TANGO6: variants seen among roughly 807,000 people sequenced by gnomAD.
The protein encoded by TANGO6 is transport and Golgi organization protein 6 homolog.
A neutral mutation model predicts 114.2 loss-of-function variants in TANGO6; 90 were observed. The observed-to-expected ratio is 0.79, with a 90% confidence interval of 0.66 to 0.94. The LOEUF is 0.94. TANGO6 is among the 40% of genes least tolerant of loss of function. The pLI is 0.00. For missense variants in TANGO6, 1,274 were observed against 1,315.3 expected (o/e 0.97, Z 0.49); for synonymous variants, 477 against 509.8 (o/e 0.94, Z 0.87).
chr16:68,905,501 A>C (rs1597013739), intron 9 of TANGO6, among the ~76,000 whole-genome samples: 1 of 151,404 alleles, frequency 6.6e-6, no homozygotes, highest in Non-Finnish European at 1.5e-5. Context: ...GCGCCATTGC[A>C]CTCCAGCCTA....
intron 2 of TANGO6, among the ~76,000 whole-genome samples, chr16:68,862,449 G>A (rs113019823): frequency 0.018 from 2,764 of 151,768 alleles, 88 homozygotes; most frequent in African/African-American, 0.063. Context: ...CGCCCCCCTC[G>A]GCCTCCCAAA....
intron 15 of TANGO6, among the ~76,000 whole-genome samples, chr16:68,984,016 G>C (rs1407939523): frequency 2.7e-5 from 4 of 147,862 alleles, no homozygotes; most frequent in Admixed American, 6.8e-5. Context: ...CTGGGCGACA[G>C]AGCAAGACTC....
At chr16:69,077,365 G>C (rs1223443025) in intron 17 of TANGO6, among the ~76,000 whole-genome samples, 1 of 152,122 alleles carries the variant, frequency 6.6e-6, no homozygotes, top group African/African-American at 2.4e-5. Context: ...CGCAACCCTA[G>C]TTGTCTGGCA....
chr16:68,928,556 T>C (rs1765362829), intron 13 of TANGO6, among the ~76,000 whole-genome samples: 1 of 152,080 alleles, frequency 6.6e-6, no homozygotes, highest in African/African-American at 2.4e-5. Context: ...TGCCTCGGCC[T>C]CCCAAAGTGC....
At chr16:68,959,729 G>T (rs1281447036) in intron 14 of TANGO6, among the ~76,000 whole-genome samples, 1 of 152,244 alleles carries the variant, frequency 6.6e-6, no homozygotes, top group Non-Finnish European at 1.5e-5. Context: ...AGGACACTTG[G>T]AGGATGTGAA....
chr16:68,877,592 G>A (rs1962385339), intron 5 of TANGO6, among the ~76,000 whole-genome samples: 1 of 151,758 alleles, frequency 6.6e-6, no homozygotes, highest in African/African-American at 2.4e-5. Flanking sequence ...AACACTGCAA[G>A]TATGAGAGGT....
intron 15 of TANGO6, among the ~76,000 whole-genome samples, chr16:68,980,382 A>AAC (rs1963813444): frequency 1.2e-4 from 4 of 33,304 alleles, no homozygotes; most frequent in Non-Finnish European, 1.8e-4. Context: ...TCTGTCTGTC[A>AAC]TTCTCTCTCT....
At chr16:69,001,337 A>G (rs1964040581) in intron 15 of TANGO6, among the ~76,000 whole-genome samples, 1 of 152,232 alleles carries the variant, frequency 6.6e-6, no homozygotes, top group Admixed American at 6.5e-5. Context: ...CAAATTTTGA[A>G]GACATTTTTA....
intron 17 of TANGO6, among the ~76,000 whole-genome samples, chr16:69,075,684 G>C (rs888664217): frequency 1.3e-5 from 2 of 151,384 alleles, no homozygotes; most frequent in Non-Finnish European, 2.9e-5. Flanking sequence ...GAACTCCTGG[G>C]GTCAGGCAAT....
At chr16:69,020,726 C>T (rs1452969176) in intron 15 of TANGO6, among the ~76,000 whole-genome samples, 1 of 151,882 alleles carries the variant, frequency 6.6e-6, no homozygotes, top group Non-Finnish European at 1.5e-5. Context: ...ATAGTGAGAC[C>T]CTGTTTCTAC....
intron 11 of TANGO6, among the ~76,000 whole-genome samples, chr16:68,916,197 C>T (rs918247198): frequency 1.1e-4 from 17 of 152,108 alleles, no homozygotes; most frequent in Non-Finnish European, 2.1e-4. Context: ...AACCCCCAGG[C>T]CACGGACTGG....
At chr16:69,042,544 C>A (rs959016378) in intron 17 of TANGO6, among the ~76,000 whole-genome samples, 4 of 152,054 alleles carry the variant, frequency 2.6e-5, no homozygotes, top group African/African-American at 9.7e-5. Flanking sequence ...GAGTCTCCTT[C>A]TCAAAAAACA....
intron 14 of TANGO6, among the ~76,000 whole-genome samples, chr16:68,964,038 G>A (rs1001441797): frequency 6.6e-6 from 1 of 151,732 alleles, no homozygotes; most frequent in East Asian, 1.9e-4. Flanking sequence ...TAGAACAGCT[G>A]ACTAGCTGTT....
At chr16:68,868,004 T>C (rs1392479815) in intron 4 of TANGO6, 1 of 138,932 alleles carries the variant, frequency 7.2e-6, no homozygotes, top group African/African-American at 2.7e-5. Flanking sequence ...AATAGCCAGG[T>C]ATGGTGGTGC....
chr16:68,884,060 C>T (rs545767915), intron 7 of TANGO6, among the ~76,000 whole-genome samples: 3 of 152,196 alleles, frequency 2.0e-5, no homozygotes, highest in South Asian at 2.1e-4. Context: ...CAGGCACCCA[C>T]CACCACGCCG....
At chr16:68,950,620 G>C (rs923748651) in intron 14 of TANGO6, among the ~76,000 whole-genome samples, 35 of 151,890 alleles carry the variant, frequency 2.3e-4, no homozygotes, top group African/African-American at 8.4e-4. Flanking sequence ...CAGCACTTTG[G>C]GAGGCTGAGG....
intron 17 of TANGO6, among the ~76,000 whole-genome samples, chr16:69,044,330 C>T (rs1417012330): frequency 6.6e-6 from 1 of 152,110 alleles, no homozygotes; most frequent in Non-Finnish European, 1.5e-5. Context: ...CCTGCATTCA[C>T]TTTGTTATTG....
intron 15 of TANGO6, among the ~76,000 whole-genome samples, chr16:68,978,732 G>A (rs1963789286): frequency 6.6e-6 from 1 of 151,740 alleles, no homozygotes; most frequent in African/African-American, 2.4e-5. Context: ...GAGTTGGTGG[G>A]AGAATGCGGC....
In TANGO6 at chr16:68,900,327, T is replaced by C. The variant is rs938296755; in HGVS notation, c.1378-107T>C. 1.4e-5 allele frequency: 11 copies of C among 810,610 alleles called. No individual in the cohort carries two copies. In the African/African-American group the frequency reaches 1.5e-4, roughly 11 times the overall value. 50.2% of individuals were successfully genotyped at this position (810,610 alleles called of 1,614,324 possible). On this transcript the variant is annotated intron_variant, in intron 7 of 17. Transcript: ENST00000261778. ...TGGAGCTAAAATGGTGTGATTCGGA[T>C]GAGATATTGCTTAAGACGCTGAGCC...
Sources: allele counts gnomAD v4.1 joint callset (sites outside exome capture counted in the v4.1 genomes callset), GRCh38; gene constraint gnomAD v4.1.1; transcripts MANE v1.5; gene names NCBI Gene and HGNC (gene_info 2026-07-23, HGNC 2026-07-21).